Variants in SIAH3 observed in about 807,000 individuals in gnomAD.
The protein encoded by SIAH3 is siah E3 ubiquitin protein ligase family member 3, also known as seven in absentia homolog 3.
In SIAH3, 9 loss-of-function variants were observed where a neutral mutation model predicts 12.6. The ratio of observed to expected loss-of-function variants is 0.72; its 90% CI spans 0.43 to 1.25. The LOEUF (loss-of-function observed/expected upper bound fraction) is 1.25, where lower values mean the gene tolerates loss of function less well. SIAH3 is among the 50% of genes most tolerant of loss of function. The pLI, the probability that SIAH3 is intolerant of heterozygous loss-of-function variation, is 0.00. For missense variants in SIAH3, 390 were observed against 365.4 expected, an observed-to-expected ratio of 1.07 and a Z score of -0.55; for synonymous variants, 154 against 151.1, an observed-to-expected ratio of 1.02 and a Z score of -0.14.
chr13:45,829,862 G>T (rs1157317759), intron 1 of SIAH3, among the ~76,000 whole-genome samples: 1 of 151,978 alleles, frequency 6.6e-6, no homozygotes, highest in East Asian at 1.9e-4. Flanking sequence ...AGGCGCTTGG[G>T]TTCGAGGCCA....
intron 1 of SIAH3, among the ~76,000 whole-genome samples, chr13:45,785,585 C>T (rs908885070): frequency 3.3e-5 from 5 of 152,252 alleles, no homozygotes; most frequent in South Asian, 4.1e-4. Context: ...CATACACACA[C>T]GCTCATGACA....
At chr13:45,814,298 G>GTTT (rs1950626705) in intron 1 of SIAH3, among the ~76,000 whole-genome samples, 1 of 151,014 alleles carries the variant, frequency 6.6e-6, no homozygotes, top group Admixed American at 6.6e-5. Flanking sequence ...TTCAAGAAGT[G>GTTT]TTTTTGGAGT....
chr13:45,795,560 T>G (rs1950559720), intron 1 of SIAH3, among the ~76,000 whole-genome samples: 1 of 152,224 alleles, frequency 6.6e-6, no homozygotes, highest in South Asian at 2.1e-4. Flanking sequence ...AATTTGTGTC[T>G]TGAGTTACTA....
At chr13:45,818,544 G>A (rs576071604) in intron 1 of SIAH3, among the ~76,000 whole-genome samples, 9 of 152,296 alleles carry the variant, frequency 5.9e-5, no homozygotes, top group African/African-American at 1.4e-4. Context: ...CGCTCCCTCC[G>A]GAGGCTCTAG....
chr13:45,815,500 T>G (rs1250261466), intron 1 of SIAH3, among the ~76,000 whole-genome samples: 1 of 152,222 alleles, frequency 6.6e-6, no homozygotes, highest in African/African-American at 2.4e-5. Flanking sequence ...CATGAGCCAA[T>G]TTCTTAAAAT....
intron 1 of SIAH3, among the ~76,000 whole-genome samples, chr13:45,837,186 G>A (rs1370602255): frequency 1.3e-5 from 2 of 152,110 alleles, no homozygotes; most frequent in East Asian, 1.9e-4. Flanking sequence ...GGCAAAGGAG[G>A]AAACCAATCT....
intron 1 of SIAH3, among the ~76,000 whole-genome samples, chr13:45,817,312 T>C (rs898190991): frequency 6.6e-5 from 10 of 152,246 alleles, no homozygotes; most frequent in Admixed American, 2.6e-4. Flanking sequence ...GTTTGTAACC[T>C]AGGAGGAATA....
At chr13:45,810,108 G>A (rs1380900356) in intron 1 of SIAH3, among the ~76,000 whole-genome samples, 2 of 152,160 alleles carry the variant, frequency 1.3e-5, no homozygotes, top group African/African-American at 4.8e-5. Flanking sequence ...AGGTCACTTA[G>A]ACAACAGGGC....
intron 1 of SIAH3, among the ~76,000 whole-genome samples, chr13:45,843,038 G>C (rs566221193): frequency 9.1e-4 from 136 of 149,004 alleles, no homozygotes; most frequent in African/African-American, 3.1e-3. Context: ...CTCTCTCTGT[G>C]TGTGTGTGTG....
In SIAH3 at chr13:45,783,544, T is replaced by TG; in HGVS notation, c.648dup (p.Thr217HisfsTer7). The TG allele has an allele frequency of 6.2e-7, 1 of 1,614,202 alleles. No individual in the cohort carries two copies. Among genetic ancestry groups the TG allele is most frequent in the Non-Finnish European group, 8.5e-7 (1 of 1,180,022 alleles). On this transcript the variant is annotated frameshift_variant, in exon 2 of 2. Transcript: ENST00000400405. LOFTEE classifies it high-confidence loss of function. Reference sequence around the variant, plus strand: ...ACGCACTCAAGAACAGACCGGGGCGTGGCCTCCCACTTGAGGCGCCGATGG... The same window carrying TG: ...ACGCACTCAAGAACAGACCGGGGCGTGGGCCTCCCACTTGAGGCGCCGATGG...
At chr13:45,843,154 C>T (rs982777030) in intron 1 of SIAH3, among the ~76,000 whole-genome samples, 7 of 151,952 alleles carry the variant, frequency 4.6e-5, no homozygotes, top group Admixed American at 4.6e-4. Flanking sequence ...GGAGTTCTGT[C>T]TTGCCCTTCC....
intron 1 of SIAH3, among the ~76,000 whole-genome samples, chr13:45,850,603 C>A (rs1216999976): frequency 6.6e-6 from 1 of 152,120 alleles, no homozygotes; most frequent in Non-Finnish European, 1.5e-5. Flanking sequence ...CTGACTTCCC[C>A]TCCTCCCTAC....
rs1566084569 is a variant in SIAH3, at chr13:45,780,821, C to A, written c.*2562G>T. 1 of 152,166 alleles carries A rather than the reference C, an allele frequency of 6.6e-6. No homozygotes were observed. The highest frequency in any genetic ancestry group is 1.5e-5 in the Non-Finnish European group (1 of 68,038). 9.4% of individuals were successfully genotyped at this position (152,166 alleles called of 1,614,324 possible). A position where few individuals can be genotyped will look rare whatever the true frequency, so the allele number is the denominator to read the frequency against. On this transcript the variant is annotated 3_prime_UTR_variant, in exon 2 of 2. Transcript: ENST00000400405. The stretch of plus-strand genomic sequence containing the variant: ...GAAAAGATCACTTCATGTCTTAGAA[C>A]CTCTATTCTGTTAGTATATTGAGGA...
At chr13:45,840,767 G>A (rs1241570309) in intron 1 of SIAH3, among the ~76,000 whole-genome samples, 1 of 152,202 alleles carries the variant, frequency 6.6e-6, no homozygotes, top group Non-Finnish European at 1.5e-5. Flanking sequence ...TTAATCCTAA[G>A]GCCAAGCATG....
At chr13:45,820,154 T>C (rs922258640) in intron 1 of SIAH3, among the ~76,000 whole-genome samples, 1 of 152,182 alleles carries the variant, frequency 6.6e-6, no homozygotes. Flanking sequence ...TACCATCACA[T>C]TGGCCACTAA....
At chr13:45,832,856 A>T (rs1203827109) in intron 1 of SIAH3, among the ~76,000 whole-genome samples, 1 of 152,208 alleles carries the variant, frequency 6.6e-6, no homozygotes, top group Non-Finnish European at 1.5e-5. Context: ...GTTGACTTTG[A>T]TTTATCCTAA....
intron 1 of SIAH3, among the ~76,000 whole-genome samples, chr13:45,834,026 G>C (rs994155727): frequency 6.6e-6 from 1 of 151,898 alleles, no homozygotes; most frequent in Non-Finnish European, 1.5e-5. Context: ...AAAAAGAAGG[G>C]GAAAAAAAAG....
intron 1 of SIAH3, among the ~76,000 whole-genome samples, chr13:45,846,086 T>C (rs992533847): frequency 7.4e-6 from 1 of 134,438 alleles, no homozygotes; most frequent in Non-Finnish European, 1.6e-5. Flanking sequence ...CCTAACTTCT[T>C]TTTTTTTTTT....
At position 45,851,494 on chromosome 13, in the gene SIAH3, C is replaced by T. The variant is rs1295893024; in HGVS notation, c.135+1G>A. 6.2e-7 allele frequency: 1 copy of T among 1,614,030 alleles called. No individual in the cohort carries two copies. Among genetic ancestry groups the T allele is most frequent in the Non-Finnish European group, 8.5e-7 (1 of 1,180,006 alleles). On this transcript the variant is annotated splice_donor_variant, in intron 1 of 1. Coordinates refer to ENST00000400405, the MANE Select transcript of SIAH3 (RefSeq NM_198849.3). LOFTEE classifies it high-confidence loss of function. The stretch of plus-strand genomic sequence containing the variant: ...GAAGGTAAAATGACACAGAGACTCA[C>T]CTTTAGGTTGTGTGTGGGGTTGACG...
Sources: allele counts gnomAD v4.1 joint callset (sites outside exome capture counted in the v4.1 genomes callset), GRCh38; gene constraint gnomAD v4.1.1; transcripts MANE v1.5; gene names NCBI Gene and HGNC (gene_info 2026-07-23, HGNC 2026-07-21).